Variants in NEBL observed in about 807,000 individuals in gnomAD.
The protein encoded by NEBL is LIM and SH3 protein 2.
NEBL carries 122 observed loss-of-function variants against 140.2 expected under a neutral mutation model. The ratio of observed to expected loss-of-function variants is 0.87; its 90% CI spans 0.75 to 1.01. The LOEUF (loss-of-function observed/expected upper bound fraction) is 1.01. Among genes scored for constraint, NEBL ranks in the 50% least tolerant of loss-of-function variants. The pLI is 0.00. For synonymous variants in NEBL, 436 were observed against 398.9 expected, an observed-to-expected ratio of 1.09 and a Z score of -1.11; for missense variants, 1,365 against 1,231.3, an observed-to-expected ratio of 1.11 and a Z score of -1.62.
At chr10:21,047,434 A>G (rs1239743405) in intron 2 of NEBL, among the ~76,000 whole-genome samples, 2 of 152,148 alleles carry the variant, frequency 1.3e-5, no homozygotes, top group African/African-American at 4.8e-5. Flanking sequence ...TGCTTTAGTT[A>G]TTTCTATAGA....
At chr10:20,859,971 T>G (rs1843506216) in intron 7 of NEBL, 145 bp from the exon 8 acceptor site, 2 of 523,344 alleles carry the variant, frequency 3.8e-6, no homozygotes, top group Non-Finnish European at 3.4e-6. Flanking sequence ...TAAAGCTTAA[T>G]TAGGCACAAA....
At chr10:21,146,482 G>A in intron 2 of NEBL, 1 of 1,613,498 alleles carries the variant, frequency 6.2e-7, no homozygotes, top group Non-Finnish European at 8.5e-7. Flanking sequence ...TTTCCATAGA[G>A]TAGATTCTTC....
At chr10:20,960,633 TTA>T (rs567988371) in intron 4 of NEBL, among the ~76,000 whole-genome samples, 2 of 152,102 alleles carry the variant, frequency 1.3e-5, no homozygotes, top group African/African-American at 2.4e-5. Flanking sequence ...TCTGCAAATT[TTA>T]TATGTGTGTA....
At chr10:20,881,054 G>A in intron 4 of NEBL, 150 bp from the exon 5 acceptor site, 1 of 696,062 alleles carries the variant, frequency 1.4e-6, no homozygotes, top group Non-Finnish European at 2.6e-6. Context: ...TATCCACAAT[G>A]CATTCATCTT....
At chr10:20,858,128 A>T in intron 9 of NEBL, 112 bp downstream of exon 9, 1 of 798,018 alleles carries the variant, frequency 1.3e-6, no homozygotes, top group Non-Finnish European at 2.2e-6. Context: ...TTAACGAGGG[A>T]GGAGTGAGGC....
intron 3 of NEBL, among the ~76,000 whole-genome samples, chr10:20,971,775 A>G (rs1286044786): frequency 6.6e-6 from 1 of 151,904 alleles, no homozygotes; most frequent in Non-Finnish European, 1.5e-5. Context: ...CACCACACCC[A>G]GCTAATTTTT....
chr10:20,788,915 T>G (rs1052772322), intron 26 of NEBL, among the ~76,000 whole-genome samples: 1 of 152,202 alleles, frequency 6.6e-6, no homozygotes, highest in African/African-American at 2.4e-5. Flanking sequence ...ATTCACTGTC[T>G]CTGCTCTCAG....
intron 1 of NEBL, among the ~76,000 whole-genome samples, chr10:21,261,595 C>T (rs1218593008): frequency 2.0e-5 from 3 of 151,232 alleles, no homozygotes; most frequent in Non-Finnish European, 4.4e-5. Flanking sequence ...TGCAGTGAGC[C>T]ATGACCACAC....
chr10:20,971,758 C>T (rs1432935194), intron 3 of NEBL, among the ~76,000 whole-genome samples: 2 of 151,902 alleles, frequency 1.3e-5, no homozygotes, highest in African/African-American at 2.4e-5. Flanking sequence ...GGACTATAGG[C>T]GCCCACCACC....
intron 3 of NEBL, among the ~76,000 whole-genome samples, chr10:21,206,991 T>TA (rs1380481555): frequency 1.4e-4 from 21 of 148,356 alleles, no homozygotes; most frequent in African/African-American, 5.0e-4. Flanking sequence ...TTTTTTTTTT[T>TA]TAGACAGAGT....
At chr10:21,050,547 G>T (rs116403433) in intron 2 of NEBL, among the ~76,000 whole-genome samples, 2 of 152,174 alleles carry the variant, frequency 1.3e-5, no homozygotes, top group African/African-American at 4.8e-5. Flanking sequence ...ACTGCAGTAC[G>T]GGGAGAAGCA....
At chr10:21,118,381 T>C (rs546914760) in intron 2 of NEBL, among the ~76,000 whole-genome samples, 148 of 152,282 alleles carry the variant, frequency 9.7e-4, no homozygotes, top group Non-Finnish European at 1.6e-3. Context: ...TCCACAGACA[T>C]TGACTCCATT....
At chr10:20,968,043 C>G (rs963154572) in intron 3 of NEBL, among the ~76,000 whole-genome samples, 2 of 152,046 alleles carry the variant, frequency 1.3e-5, no homozygotes, top group Admixed American at 1.3e-4. Context: ...TCGTAAATGG[C>G]AGGTGAGCTA....
At chr10:20,904,316 T>C (rs916782360) in intron 4 of NEBL, among the ~76,000 whole-genome samples, 1 of 152,138 alleles carries the variant, frequency 6.6e-6, no homozygotes, top group African/African-American at 2.4e-5. Context: ...TTATATGTGG[T>C]TCTTCAGATT....
chr10:21,255,389 CAT>C (rs1186878153), intron 1 of NEBL, among the ~76,000 whole-genome samples: 1 of 152,038 alleles, frequency 6.6e-6, no homozygotes, highest in Non-Finnish European at 1.5e-5. Flanking sequence ...GAGGATCTAA[CAT>C]GTGATCTGAT....
intron 2 of NEBL, among the ~76,000 whole-genome samples, chr10:21,135,585 C>T (rs964037609): frequency 4.6e-5 from 7 of 152,200 alleles, no homozygotes; most frequent in Admixed American, 3.3e-4. Context: ...AACTGAAAAG[C>T]GCTTTTCTGC....
intron 3 of NEBL, among the ~76,000 whole-genome samples, chr10:20,973,324 G>T (rs544201844): frequency 1.4e-4 from 21 of 150,822 alleles, no homozygotes; most frequent in African/African-American, 5.1e-4. Flanking sequence ...ATGGCTCAGT[G>T]CAGCCTCCAA....
chr10:21,158,806 T>G (rs895408322), intron 2 of NEBL, among the ~76,000 whole-genome samples: 2 of 152,244 alleles, frequency 1.3e-5, no homozygotes, highest in African/African-American at 4.8e-5. Context: ...AATCTGTTCT[T>G]CTCAGTTGAA....
intron 3 of NEBL, among the ~76,000 whole-genome samples, chr10:20,989,733 G>T (rs144024787): frequency 6.5e-4 from 99 of 152,270 alleles, no homozygotes; most frequent in African/African-American, 2.4e-3. Flanking sequence ...CATTATATCT[G>T]AGGGATTCTT....
Sources: gnomAD v4.1 joint callset for allele counts (sites outside exome capture counted in the v4.1 genomes callset) on GRCh38, gnomAD v4.1.1 for gene constraint, MANE v1.5 for transcripts, NCBI Gene and HGNC (gene_info 2026-07-23, HGNC 2026-07-21) for gene names.